Variants in MRM1 observed in about 807,000 individuals in gnomAD.
MRM1 encodes mitochondrial rRNA methyltransferase 1.
A neutral mutation model predicts 25.0 loss-of-function variants in MRM1; 24 were observed. The ratio of observed to expected loss-of-function variants is 0.96; its 90% confidence interval spans 0.69 to 1.35. The LOEUF (loss-of-function observed/expected upper bound fraction) is 1.35. Ranked by LOEUF, MRM1 falls within the 40% of genes most tolerant of loss-of-function variation. The pLI is 0.00. For synonymous variants in MRM1, 188 were observed against 199.2 expected, an observed-to-expected ratio of 0.94 and a Z score of 0.47; for missense variants, 431 against 464.1, an observed-to-expected ratio of 0.93 and a Z score of 0.65.
chr17:36,605,134 C>CT (rs1190520478), intron 2 of MRM1, among the ~76,000 whole-genome samples: 8 of 143,752 alleles, frequency 5.6e-5, no homozygotes, highest in African/African-American at 1.9e-4. Context: ...GAGTGAAACT[C>CT]TATCTCAAAA....
the MRM1 span, among the ~76,000 whole-genome samples, chr17:36,633,916 C>T: frequency 2.0e-5 from 3 of 152,280 alleles, no homozygotes; most frequent in South Asian, 2.1e-4. Context: ...GGTGACTCTC[C>T]GGGCTCCACT....
chr17:36,618,697 A>G, the MRM1 span, among the ~76,000 whole-genome samples: 36 of 152,326 alleles, frequency 2.4e-4, no homozygotes, highest in African/African-American at 8.2e-4. Flanking sequence ...CAACCTGCGC[A>G]GCCTCCGTAC....
chr17:36,609,268 GT>G (rs2074959291), downstream of MRM1, among the ~76,000 whole-genome samples: 1 of 152,184 alleles, frequency 6.6e-6, no homozygotes, highest in Non-Finnish European at 1.5e-5. Flanking sequence ...GCATAGAAGT[GT>G]TTCTGTCCTG....
the MRM1 span, among the ~76,000 whole-genome samples, chr17:36,623,930 C>T: frequency 6.6e-6 from 1 of 152,342 alleles, no homozygotes; most frequent in Middle Eastern, 3.4e-3. Context: ...GCAATAGATC[C>T]CATGCACCGT....
intron 2 of MRM1, among the ~76,000 whole-genome samples, chr17:36,604,170 C>T (rs1250274423): frequency 1.3e-5 from 2 of 152,210 alleles, no homozygotes; most frequent in Non-Finnish European, 2.9e-5. Context: ...TTTTCTCTTA[C>T]ACTCTCTTCA....
the MRM1 span, among the ~76,000 whole-genome samples, chr17:36,628,219 C>T: frequency 6.6e-6 from 1 of 152,182 alleles, no homozygotes; most frequent in Non-Finnish European, 1.5e-5. Context: ...AACTCCTGGC[C>T]TCAAGCAATC....
At chr17:36,603,856 G>C (rs1599577573) in intron 2 of MRM1, among the ~76,000 whole-genome samples, 2 of 152,014 alleles carry the variant, frequency 1.3e-5, no homozygotes, top group African/African-American at 4.8e-5. Context: ...GCATTTTTTG[G>C]CTTCACTTTT....
the MRM1 span, among the ~76,000 whole-genome samples, chr17:36,622,942 G>T: frequency 7.9e-5 from 12 of 152,196 alleles, no homozygotes; most frequent in Admixed American, 6.5e-4. Flanking sequence ...TAGCCCATTC[G>T]CTAGGCGCAG....
Position 36,608,459 on chromosome 17 carries a change from C to T in MRM1, c.*44C>T, listed in dbSNP as rs561561109. ...TTCATGTGCTGGAGTCAGGGACGGC[C>T]GCACCTGCCTCCGCCGGCTCCAGTG... On this transcript the variant is annotated 3_prime_UTR_variant, in exon 5 of 5. Coordinates refer to ENST00000614766, the MANE Select transcript of MRM1 (RefSeq NM_024864.5). 5.7e-6 allele frequency: 8 copies of T among 1,398,668 alleles called. No homozygotes were observed. Among genetic ancestry groups the T allele is most frequent in the South Asian group, 3.7e-5 (2 of 53,484 alleles). The allele number at this position is 1,398,668 out of a possible 1,614,324, so 86.6% of individuals were successfully genotyped here. A position where few individuals can be genotyped will look rare whatever the true frequency, so the allele number is the denominator to read the frequency against.
intron 2 of MRM1, among the ~76,000 whole-genome samples, chr17:36,605,567 T>C (rs2074921592): frequency 1.3e-5 from 2 of 151,212 alleles, no homozygotes. Context: ...CGCCCAAGTG[T>C]ATACTCCAGC....
At chr17:36,633,984 AG>A in the MRM1 span, 5 of 151,266 alleles carry the variant, frequency 3.3e-5, no homozygotes, top group Admixed American at 2.6e-4. Context: ...CTGTAGACTG[AG>A]CTTGGGATTT....
At chr17:36,626,691 C>A in the MRM1 span, among the ~76,000 whole-genome samples, 1 of 152,174 alleles carries the variant, frequency 6.6e-6, no homozygotes, top group Non-Finnish European at 1.5e-5. Context: ...TGGGGAAGCA[C>A]ACCTTGATCA....
chr17:36,606,775 T>A (rs1246160274), intron 2 of MRM1, among the ~76,000 whole-genome samples: 1 of 151,816 alleles, frequency 6.6e-6, no homozygotes, highest in African/African-American at 2.4e-5. Flanking sequence ...ACCCAGCTAA[T>A]TTTTTGTGTG....
rs1159967787 is a variant in MRM1 at position 36,602,154 on chromosome 17, T to C, written c.344T>C (p.Val115Ala). 1.9e-6 allele frequency: 3 copies of C among 1,613,024 alleles called. No homozygotes were observed. Among genetic ancestry groups the C allele is most frequent in the Non-Finnish European group, 2.5e-6 (3 of 1,179,682 alleles). Residue 115 changes from valine (V) to alanine (A), a missense_variant, in exon 1 of 5, where the codon GTC (valine) becomes GCC (alanine). Physicochemically the swap from Val to Ala is moderately conservative, Grantham distance 64. Transcript: ENST00000614766. This position sits in a 1 kb window ranked among gnomAD's most constrained non-coding sequence, Gnocchi z 4.1. ...CTGGACACAATGTGCCGCTACCAGG[T>C]CCACCAGGGTGTCTGCATGGAGGTG... ...QKLDTMCRYQ[V>A]HQGVCMEVSP...
At chr17:36,614,875 A>G in the MRM1 span, among the ~76,000 whole-genome samples, 5 of 152,362 alleles carry the variant, frequency 3.3e-5, no homozygotes, top group East Asian at 9.6e-4. Flanking sequence ...AAATCGCAGA[A>G]CTGTATGTAG....
At chr17:36,627,872 C>T in the MRM1 span, among the ~76,000 whole-genome samples, 113 of 152,020 alleles carry the variant, frequency 7.4e-4, no homozygotes, top group African/African-American at 2.7e-3. Context: ...GATAGGGTAT[C>T]GCCATGTTGG....
the MRM1 span, among the ~76,000 whole-genome samples, chr17:36,619,819 C>G: frequency 3.3e-5 from 5 of 152,186 alleles, no homozygotes; most frequent in African/African-American, 1.2e-4. Flanking sequence ...CCCAAGAGTG[C>G]TCAAGGGTTC....
chr17:36,614,561 G>A, the MRM1 span, among the ~76,000 whole-genome samples: 4 of 152,004 alleles, frequency 2.6e-5, no homozygotes, highest in East Asian at 1.9e-4. Context: ...CATCTCCTGG[G>A]CACCCCAACA....
In MRM1 at chr17:36,601,852, C is replaced by T; in HGVS notation, c.42C>T (p.Arg14=). 6.3e-7 allele frequency: 1 copy of T among 1,594,836 alleles called. No homozygotes were observed. Among genetic ancestry groups the T allele is most frequent in the Non-Finnish European group, 8.5e-7 (1 of 1,172,388 alleles). ...LSTVRGATWG[R]LVTRHFSHAA... The stretch of plus-strand genomic sequence containing the variant: ...CCGTCCGGGGCGCGACCTGGGGTCG[C>T]CTCGTCACCCGTCATTTCTCCCATG... Residue 14 remains arginine (R), a synonymous_variant, in exon 1 of 5, where the codon CGC becomes CGT. Transcript: ENST00000614766.
Sources: allele counts gnomAD v4.1 joint callset (sites outside exome capture counted in the v4.1 genomes callset), GRCh38; gene constraint gnomAD v4.1.1; non-coding constraint Gnocchi (gnomAD v3.1); transcripts MANE v1.5; gene names NCBI Gene and HGNC (gene_info 2026-07-23, HGNC 2026-07-21).